SLIT3: variants seen among roughly 807,000 people sequenced by gnomAD.
The protein encoded by SLIT3 is slit homolog 3 protein.
Under a neutral mutation model 184.0 loss-of-function variants are expected in SLIT3, and 68 were observed. That is an observed-to-expected ratio of 0.37 (90% CI 0.30 to 0.45). The LOEUF (loss-of-function observed/expected upper bound fraction) is 0.45. Among genes scored for constraint, SLIT3 ranks in the 20% least tolerant of loss-of-function variants. The pLI is 1.00. For synonymous variants in SLIT3, 831 were observed against 828.6 expected, an observed-to-expected ratio of 1.00 and a Z score of -0.05; for missense variants, 1,707 against 2,026.0, an observed-to-expected ratio of 0.84 and a Z score of 3.02.
chr5:168,827,911 G>C (rs566707738), intron 6 of SLIT3, among the ~76,000 whole-genome samples: 1 of 152,270 alleles, frequency 6.6e-6, no homozygotes, highest in African/African-American at 2.4e-5. Flanking sequence ...ACAATAGCTG[G>C]GTAGTTGACA....
In SLIT3 at chr5:168,746,784, A is replaced by G. The variant is rs374547494; in HGVS notation, c.2270+1518T>C. ...GGTGTGTGGTGGTGTGTGGTGTGTGAGTGTGGTGGTGTGGGTGTGGCGGTG... is the reference window on the plus strand; with the variant it reads ...GGTGTGTGGTGGTGTGTGGTGTGTGGGTGTGGTGGTGTGGGTGTGGCGGTG... On this transcript the variant is annotated intron_variant, in intron 20 of 35. Transcript: ENST00000519560. Among the ~76,000 whole-genome samples the G allele has an allele frequency of 6.6e-3, 155 of 23,460 alleles. 1 individual carries two copies. Among genetic ancestry groups the G allele is most frequent in the Admixed American group, 0.02 (25 of 1,226 alleles). The allele number at this position is 23,460 out of a possible 152,430, so 15.4% of individuals were successfully genotyped here.
At chr5:169,003,195 T>G (rs189795957) in intron 4 of SLIT3, among the ~76,000 whole-genome samples, 139 of 152,370 alleles carry the variant, frequency 9.1e-4, no homozygotes, top group Middle Eastern at 3.4e-3. Context: ...TCAGTGTGTC[T>G]GAGCACGCAC....
intron 4 of SLIT3, among the ~76,000 whole-genome samples, chr5:169,140,756 C>T (rs56670694): frequency 0.015 from 2,226 of 152,194 alleles, 54 homozygotes; most frequent in African/African-American, 0.05. Flanking sequence ...GCCATGATCA[C>T]GCCGTCGCAT....
chr5:168,877,271 C>T (rs114241783), intron 5 of SLIT3, among the ~76,000 whole-genome samples: 407 of 152,146 alleles, frequency 2.7e-3, no homozygotes, highest in African/African-American at 9.2e-3. Flanking sequence ...ACATTTGAGC[C>T]GGGATGTGAA....
At chr5:168,987,813 A>T (rs1362668043) in intron 4 of SLIT3, among the ~76,000 whole-genome samples, 1 of 152,256 alleles carries the variant, frequency 6.6e-6, no homozygotes, top group Non-Finnish European at 1.5e-5. Context: ...GAAAGAACGA[A>T]ATGATTTCTT....
chr5:169,212,544 A>T (rs1227465285), intron 3 of SLIT3, among the ~76,000 whole-genome samples: 1 of 152,050 alleles, frequency 6.6e-6, no homozygotes, highest in African/African-American at 2.4e-5. Context: ...TATATTGCAA[A>T]AATTTTCTCC....
rs553340993 is a variant in SLIT3, at chr5:168,966,131, C to T, written c.414-82795G>A. Among the ~76,000 whole-genome samples, 17 of 152,234 alleles carry T rather than the reference C, an allele frequency of 1.1e-4. No individual in the cohort carries two copies. In the East Asian group the frequency reaches 2.7e-3, roughly 24 times the overall value. ...GCAACATAAAAGCAAGAGTTTTGTG[C>T]CAGATGTAAGAATTAAACTCTACAG... On this transcript the variant is annotated intron_variant, in intron 4 of 35. Transcript: ENST00000519560.
chr5:169,192,470 A>T (rs960986370), intron 4 of SLIT3, among the ~76,000 whole-genome samples: 30 of 146,492 alleles, frequency 2.0e-4, no homozygotes, highest in African/African-American at 7.2e-4. Context: ...GACATATAGA[A>T]ATATATATTC....
Position 169,230,231 on chromosome 5 carries a change from G to C in SLIT3, c.341+14474C>G, listed in dbSNP as rs571650929. On this transcript the variant is annotated intron_variant, in intron 3 of 35. Transcript: ENST00000519560. Reference sequence around the variant, plus strand: ...TAACCCCATTTAACAGATGTTACTCGCAGCTGCTAAGAAAGTTGCCTGCAA... The same window carrying C: ...TAACCCCATTTAACAGATGTTACTCCCAGCTGCTAAGAAAGTTGCCTGCAA... Among the ~76,000 whole-genome samples, 6 of 152,200 alleles carry C rather than the reference G, an allele frequency of 3.9e-5. No individual in the cohort carries two copies. The East Asian group carries it at 1.2e-3, about 29-fold the overall frequency.
intron 4 of SLIT3, among the ~76,000 whole-genome samples, chr5:168,946,166 T>C (rs1762476963): frequency 6.6e-6 from 1 of 152,246 alleles, no homozygotes; most frequent in African/African-American, 2.4e-5. Flanking sequence ...GACTTGTGTC[T>C]GTGCTTGCAA....
intron 3 of SLIT3, among the ~76,000 whole-genome samples, chr5:169,241,852 T>C (rs1765414554): frequency 6.6e-6 from 1 of 152,122 alleles, no homozygotes; most frequent in Non-Finnish European, 1.5e-5. Context: ...GAATAGAGAA[T>C]TCTAAGTTGA....
intron 4 of SLIT3, among the ~76,000 whole-genome samples, chr5:169,184,036 A>G (rs974015840): frequency 6.6e-5 from 10 of 152,250 alleles, no homozygotes; most frequent in African/African-American, 1.7e-4. Flanking sequence ...TGAAGAGACT[A>G]AAATGTAAAA....
chr5:169,195,393 C>T (rs1763708684), intron 3 of SLIT3, among the ~76,000 whole-genome samples: 2 of 152,226 alleles, frequency 1.3e-5, no homozygotes, highest in Admixed American at 1.3e-4. Context: ...CTCAGCCTGA[C>T]AGCCATGCAG....
chr5:168,955,261 T>C (rs553052965), intron 4 of SLIT3, among the ~76,000 whole-genome samples: 13 of 152,336 alleles, frequency 8.5e-5, no homozygotes, highest in Admixed American at 3.3e-4. Context: ...GCAAATCAAT[T>C]GGGTAGTGTG....
intron 4 of SLIT3, among the ~76,000 whole-genome samples, chr5:168,977,002 A>T (rs1754787137): frequency 6.9e-6 from 1 of 143,988 alleles, no homozygotes; most frequent in Admixed American, 7.1e-5. Context: ...CCTCTGAATT[A>T]TTTATCTCAG....
intron 4 of SLIT3, chr5:169,023,530 G>T (rs913170942): frequency 6.6e-6 from 1 of 152,158 alleles, no homozygotes; most frequent in East Asian, 1.9e-4. Context: ...GTGGACCTAG[G>T]AGGCTGCTGA....
At chr5:169,112,582 C>T (rs1380276468) in intron 4 of SLIT3, among the ~76,000 whole-genome samples, 1 of 152,024 alleles carries the variant, frequency 6.6e-6, no homozygotes, top group Non-Finnish European at 1.5e-5. Context: ...TCATTTTTGC[C>T]CCATGGTGGT....
intron 5 of SLIT3, among the ~76,000 whole-genome samples, chr5:168,873,405 G>A (rs528414123): frequency 6.0e-4 from 91 of 151,892 alleles, no homozygotes; most frequent in Non-Finnish European, 1.0e-3. Context: ...TTAGGCAGGC[G>A]GATCACTTGA....
At position 169,300,948 on chromosome 5, in the gene SLIT3, CTGGGAGTGCCCAGG is replaced by C. The variant is rs1194829501; in HGVS notation, c.-253_-240del. The C allele has an allele frequency of 4.9e-6, 1 of 205,864 alleles. No individual in the cohort carries two copies. Among genetic ancestry groups the C allele is most frequent in the Non-Finnish European group, 9.5e-6 (1 of 104,776 alleles). 12.8% of individuals were successfully genotyped at this position (205,864 alleles called of 1,614,324 possible). A position where few individuals can be genotyped will look rare whatever the true frequency, so the allele number is the denominator to read the frequency against. On this transcript the variant is annotated 5_prime_UTR_variant, in exon 1 of 36. The change abolishes the stop of an existing upstream ORF in the 5' untranslated region. Transcript: ENST00000519560. This position sits in a 1 kb window ranked among gnomAD's most constrained non-coding sequence, Gnocchi z 4.1. ...GCCGGCGCTGCCCCGCTGCGCATCG[CTGGGAGTGCCCAGG>C]TGCGGAGCGCCCCCTGGCCCCGCTG...
Sources: gnomAD v4.1 joint callset for allele counts (sites outside exome capture counted in the v4.1 genomes callset) on GRCh38, gnomAD v4.1.1 for gene constraint, Gnocchi (gnomAD v3.1) non-coding constraint, MANE v1.5 for transcripts, NCBI Gene and HGNC (gene_info 2026-07-23, HGNC 2026-07-21) for gene names.